MYO16: variants seen among roughly 807,000 people sequenced by gnomAD.
The protein encoded by MYO16 is unconventional myosin-XVI.
Under a neutral mutation model 205.3 loss-of-function variants are expected in MYO16, and 94 were observed. That is an observed-to-expected ratio of 0.46 (90% CI 0.39 to 0.54). The LOEUF (loss-of-function observed/expected upper bound fraction) is 0.54. Among genes scored for constraint, MYO16 ranks in the 20% least tolerant of loss-of-function variants. The pLI is 0.00. For synonymous variants in MYO16, 988 were observed against 954.0 expected, an observed-to-expected ratio of 1.04 and a Z score of -0.66; for missense variants, 2,315 against 2,387.5, an observed-to-expected ratio of 0.97 and a Z score of 0.63.
chr13:108,778,886 T>C (rs1386373848), intron 4 of MYO16, among the ~76,000 whole-genome samples: 1 of 152,188 alleles, frequency 6.6e-6, no homozygotes, highest in Non-Finnish European at 1.5e-5. Flanking sequence ...CTTGAGCTTA[T>C]GGTTAAAGGA....
At chr13:108,500,587 C>G in the MYO16 span, among the ~76,000 whole-genome samples, 1 of 152,022 alleles carries the variant, frequency 6.6e-6, no homozygotes, top group East Asian at 1.9e-4. Flanking sequence ...TTCCCTCCCC[C>G]ACATCCCATT....
intron 16 of MYO16, among the ~76,000 whole-genome samples, chr13:108,954,490 C>T (rs1041328099): frequency 2.0e-5 from 3 of 152,142 alleles, no homozygotes; most frequent in Admixed American, 6.5e-5. Flanking sequence ...CCTGTAATTC[C>T]AGCACTTTGG....
chr13:108,718,743 T>C (rs1256225183), intron 3 of MYO16, among the ~76,000 whole-genome samples: 1 of 152,120 alleles, frequency 6.6e-6, no homozygotes, highest in African/African-American at 2.4e-5. Context: ...ATGTGGCTTT[T>C]TTCAAATTCA....
At chr13:108,536,949 T>G in the MYO16 span, among the ~76,000 whole-genome samples, 1 of 152,130 alleles carries the variant, frequency 6.6e-6, no homozygotes, top group African/African-American at 2.4e-5. Flanking sequence ...TGTTTGGGGT[T>G]TCTGATGTCA....
At chr13:109,206,515 C>A (rs574690629) in intron 34 of MYO16, 94 bp from the exon 35 acceptor site, 3 of 937,872 alleles carry the variant, frequency 3.2e-6, no homozygotes, top group African/African-American at 1.6e-5. Flanking sequence ...CAGCACCAGT[C>A]CTGCCCCTTT....
At chr13:109,018,215 T>C (rs1185476853) in intron 22 of MYO16, among the ~76,000 whole-genome samples, 1 of 152,228 alleles carries the variant, frequency 6.6e-6, no homozygotes, top group Non-Finnish European at 1.5e-5. Flanking sequence ...TCCTTCTAAC[T>C]GTCAGGTCTC....
Position 109,150,274 on chromosome 13 carries a change from G to A in MYO16, c.5164+8898G>A, listed in dbSNP as rs555210555. Reference sequence around the variant, plus strand: ...TTATGTGTACGTAGAAACCGACATCGGTAACAGCAAAGTGAGAAACATGAC... The same window carrying A: ...TTATGTGTACGTAGAAACCGACATCAGTAACAGCAAAGTGAGAAACATGAC... On this transcript the variant is annotated intron_variant, in intron 32 of 34. Coordinates refer to ENST00000457511, the MANE Select transcript of MYO16 (RefSeq NM_001198950.3). 3.1e-4 allele frequency among the ~76,000 whole-genome samples: 47 copies of A among 152,124 alleles called. 1 individual carries two copies. The East Asian group carries it at 8.1e-3, about 26-fold the overall frequency.
the MYO16 span, among the ~76,000 whole-genome samples, chr13:108,568,847 G>T: frequency 6.6e-6 from 1 of 151,938 alleles, no homozygotes; most frequent in African/African-American, 2.4e-5. Flanking sequence ...TTGGGTCTGG[G>T]ATCTATTTTG....
chr13:109,010,743 T>C (rs2139485387), intron 22 of MYO16, among the ~76,000 whole-genome samples: 1 of 152,186 alleles, frequency 6.6e-6, no homozygotes, highest in Middle Eastern at 3.4e-3. Flanking sequence ...AGAAGTGTGG[T>C]GACCTGATGC....
intron 4 of MYO16, among the ~76,000 whole-genome samples, chr13:108,732,842 T>A (rs765166173): frequency 6.6e-6 from 1 of 152,176 alleles, no homozygotes. Context: ...CATCTGGATA[T>A]ACAGGATTTT....
In MYO16 at chr13:108,902,052, TAACTC is replaced by T. The variant is rs144775972; in HGVS notation, c.1777+3922_1777+3926del. Among the ~76,000 whole-genome samples, 1,260 of 152,256 alleles carry T rather than the reference TAACTC, an allele frequency of 8.3e-3. 13 individuals carry two copies. The highest frequency in any genetic ancestry group is 0.029 in the African/African-American group (1,193 of 41,556). On this transcript the variant is annotated intron_variant, in intron 15 of 34. Coordinates refer to ENST00000457511, the MANE Select transcript of MYO16 (RefSeq NM_001198950.3). ...AAAAATATTTACACTGAAAAAGAAA[TAACTC>T]AAGAGAAATAGGACAAATTTGTTCA... is the stretch of plus-strand genomic sequence containing the variant.
chr13:108,528,044 G>A, the MYO16 span, among the ~76,000 whole-genome samples: 5 of 152,082 alleles, frequency 3.3e-5, no homozygotes, highest in Non-Finnish European at 5.9e-5. Flanking sequence ...CTGGAAAATT[G>A]GTAACTACAG....
intron 2 of MYO16, among the ~76,000 whole-genome samples, chr13:108,697,668 C>A (rs1396552141): frequency 6.6e-6 from 1 of 152,104 alleles, no homozygotes; most frequent in Admixed American, 6.6e-5. Context: ...GATTTATGAT[C>A]AGTTATATTG....
At chr13:108,717,480 A>C (rs1382103938) in intron 3 of MYO16, among the ~76,000 whole-genome samples, 1 of 151,882 alleles carries the variant, frequency 6.6e-6, no homozygotes, top group Non-Finnish European at 1.5e-5. Context: ...AATACAAAAA[A>C]TTAGCCGGGC....
chr13:108,774,193 G>A (rs1886057165), intron 4 of MYO16, among the ~76,000 whole-genome samples: 1 of 152,184 alleles, frequency 6.6e-6, no homozygotes, highest in African/African-American at 2.4e-5. Context: ...TATATTCTTG[G>A]AGATTAAATT....
chr13:108,976,306 T>G (rs1032599479), intron 20 of MYO16, among the ~76,000 whole-genome samples: 3 of 152,202 alleles, frequency 2.0e-5, no homozygotes, highest in Non-Finnish European at 4.4e-5. Flanking sequence ...TATCAATTGC[T>G]GTTAAACATT....
intron 21 of MYO16, among the ~76,000 whole-genome samples, chr13:108,995,388 A>G (rs535712887): frequency 6.6e-6 from 1 of 152,292 alleles, no homozygotes; most frequent in South Asian, 2.1e-4. Context: ...TTGTGGAGGA[A>G]CACATTCAGA....
At chr13:108,670,173 T>C (rs1281891469) in intron 2 of MYO16, among the ~76,000 whole-genome samples, 1 of 152,210 alleles carries the variant, frequency 6.6e-6, no homozygotes, top group African/African-American at 2.4e-5. Flanking sequence ...GGAGCAAGCC[T>C]GTGCACATGC....
At chr13:108,677,353 ATG>A (rs1882271112) in intron 2 of MYO16, among the ~76,000 whole-genome samples, 1 of 88,328 alleles carries the variant, frequency 1.1e-5, no homozygotes, top group African/African-American at 4.5e-5. Flanking sequence ...ATATATATAT[ATG>A]CATATATATA....
Sources: allele counts gnomAD v4.1 joint callset (sites outside exome capture counted in the v4.1 genomes callset), GRCh38; gene constraint gnomAD v4.1.1; transcripts MANE v1.5; gene names NCBI Gene and HGNC (gene_info 2026-07-23, HGNC 2026-07-21).